Variants in GRB10 observed in about 807,000 individuals in gnomAD.
GRB10 encodes growth factor receptor bound protein 10, also known as growth factor receptor-bound protein 10.
A neutral mutation model predicts 80.9 loss-of-function variants in GRB10; 20 were observed. The ratio of observed to expected loss-of-function variants is 0.25; its 90% confidence interval spans 0.17 to 0.36. GRB10 has a LOEUF of 0.36. Among genes scored for constraint, GRB10 ranks in the 10% least tolerant of loss-of-function variants. The probability of loss-of-function intolerance (pLI) is 1.00; values close to 1 mark genes in which losing one functional copy is unlikely to be tolerated. For synonymous variants in GRB10, 291 were observed against 291.5 expected, an observed-to-expected ratio of 1.00 and a Z score of 0.02; for missense variants, 548 against 747.7, an observed-to-expected ratio of 0.73 and a Z score of 3.12.
chr7:50,647,988 T>C (rs1294976387), intron 7 of GRB10, among the ~76,000 whole-genome samples: 1 of 152,142 alleles, frequency 6.6e-6, no homozygotes, highest in Non-Finnish European at 1.5e-5. Context: ...GGCAGTGTCT[T>C]TTAAGCACCC....
chr7:50,704,387 C>T (rs140173411), intron 4 of GRB10, among the ~76,000 whole-genome samples: 1 of 152,260 alleles, frequency 6.6e-6, no homozygotes, highest in African/African-American at 2.4e-5. Flanking sequence ...AGTGTGAGAA[C>T]AACACTTTCA....
chr7:50,625,017 C>G, intron 8 of GRB10, among the ~76,000 whole-genome samples: 1 of 152,094 alleles, frequency 6.6e-6, no homozygotes, highest in South Asian at 2.1e-4. Context: ...TATCACAACC[C>G]TACAAATCCT....
chr7:50,750,447 C>T (rs529951868), intron 3 of GRB10, among the ~76,000 whole-genome samples: 3 of 152,266 alleles, frequency 2.0e-5, no homozygotes, highest in South Asian at 4.1e-4. Context: ...GGTGCGCACG[C>T]GGAGATATCC....
chr7:50,737,764 G>T (rs1217945171), intron 3 of GRB10, among the ~76,000 whole-genome samples: 4 of 152,304 alleles, frequency 2.6e-5, no homozygotes, highest in South Asian at 4.1e-4. Context: ...CAGGAGAATT[G>T]CTTGAACCCA....
intron 8 of GRB10, among the ~76,000 whole-genome samples, chr7:50,620,337 G>C (rs2051467267): frequency 1.3e-5 from 2 of 152,182 alleles, no homozygotes; most frequent in South Asian, 4.1e-4. Context: ...AGCCAGACTG[G>C]AATCTTGAGG....
chr7:50,759,192 CAAAAAAAA>C (rs57526722), intron 2 of GRB10, among the ~76,000 whole-genome samples: 3 of 113,632 alleles, frequency 2.6e-5, no homozygotes, highest in Non-Finnish European at 5.2e-5. Context: ...GACTCTGCCT[CAAAAAAAA>C]AAAAAAAAAG....
At chr7:50,749,892 T>A (rs2073811487) in intron 3 of GRB10, among the ~76,000 whole-genome samples, 1 of 152,252 alleles carries the variant, frequency 6.6e-6, no homozygotes, top group Admixed American at 6.5e-5. Context: ...CAGTTTGTAC[T>A]TATCATAAAT....
At chr7:50,752,375 T>A (rs879534682) in intron 3 of GRB10, among the ~76,000 whole-genome samples, 1 of 152,204 alleles carries the variant, frequency 6.6e-6, no homozygotes, top group Non-Finnish European at 1.5e-5. Flanking sequence ...GGAAAGGCTA[T>A]GGGACACCTT....
At chr7:50,621,280 G>A (rs919619246) in intron 8 of GRB10, among the ~76,000 whole-genome samples, 2 of 152,264 alleles carry the variant, frequency 1.3e-5, no homozygotes, top group Admixed American at 6.5e-5. Flanking sequence ...AGGTGGACAG[G>A]TGAGGGCTTG....
intron 2 of GRB10, among the ~76,000 whole-genome samples, chr7:50,774,504 A>C (rs149982161): frequency 6.6e-6 from 1 of 152,192 alleles, no homozygotes; most frequent in Non-Finnish European, 1.5e-5. Flanking sequence ...GGCAGAATGC[A>C]GAAGTGCAAA....
intron 4 of GRB10, among the ~76,000 whole-genome samples, chr7:50,705,561 AAT>A (rs2064924341): frequency 6.6e-6 from 1 of 152,254 alleles, no homozygotes; most frequent in Non-Finnish European, 1.5e-5. Context: ...GCATCTGTGC[AAT>A]GTTTGAATTA....
chr7:50,692,447 A>C (rs1226191516), intron 5 of GRB10, among the ~76,000 whole-genome samples: 1 of 152,104 alleles, frequency 6.6e-6, no homozygotes, highest in Non-Finnish European at 1.5e-5. Context: ...TCTCTCATCA[A>C]TCATGCCCTC....
intron 8 of GRB10, among the ~76,000 whole-genome samples, chr7:50,619,902 C>T (rs1585793454): frequency 6.6e-6 from 1 of 152,044 alleles, no homozygotes; most frequent in East Asian, 1.9e-4. Flanking sequence ...ACACTCCATC[C>T]TCCAGCACCC....
At chr7:50,720,669 G>T (rs2067581941) in intron 4 of GRB10, among the ~76,000 whole-genome samples, 1 of 151,898 alleles carries the variant, frequency 6.6e-6, no homozygotes, top group Admixed American at 6.6e-5. Context: ...CACCTTAAAA[G>T]ACCAGACACT....
chr7:50,608,339 G>C (rs930567647), intron 13 of GRB10, among the ~76,000 whole-genome samples: 1 of 152,146 alleles, frequency 6.6e-6, no homozygotes, highest in Non-Finnish European at 1.5e-5. Flanking sequence ...GAGAATAACC[G>C]CTAACCTTGC....
At chr7:50,749,130 G>GTTTTTTTTTTTT (rs71018483) in intron 3 of GRB10, among the ~76,000 whole-genome samples, 3 of 139,556 alleles carry the variant, frequency 2.1e-5, no homozygotes, top group African/African-American at 5.4e-5. Context: ...TTGTTTTTTT[G>GTTTTTTTTTTTT]TTTGTTTTTT....
intron 7 of GRB10, among the ~76,000 whole-genome samples, chr7:50,639,837 G>C (rs532195852): frequency 6.6e-6 from 1 of 152,280 alleles, no homozygotes; most frequent in Non-Finnish European, 1.5e-5. Context: ...AATCAGTTTT[G>C]ATGTGCTCAT....
intron 4 of GRB10, chr7:50,705,198 G>C (rs997682777): frequency 1.1e-5 from 11 of 985,674 alleles, no homozygotes; most frequent in East Asian, 2.3e-4. Context: ...ACTCACAATG[G>C]GGGGAAGCAG....
chr7:50,632,182 C>T (rs1459120207), intron 7 of GRB10, among the ~76,000 whole-genome samples: 2 of 152,176 alleles, frequency 1.3e-5, no homozygotes, highest in African/African-American at 4.8e-5. Flanking sequence ...GATATTATTT[C>T]TTGATATAAG....
Sources: allele counts gnomAD v4.1 joint callset (sites outside exome capture counted in the v4.1 genomes callset), GRCh38; gene constraint gnomAD v4.1.1; transcripts MANE v1.5; gene names NCBI Gene and HGNC (gene_info 2026-07-23, HGNC 2026-07-21).